The following ATG13 variants were observed in gnomAD, a reference collection of about 807,000 sequenced individuals.
The protein encoded by ATG13 is autophagy related 13.
In ATG13, 23 loss-of-function variants were observed where a neutral mutation model predicts 65.5. The observed-to-expected ratio is 0.35, with a 90% CI of 0.25 to 0.50. ATG13 has a LOEUF of 0.50. ATG13 is among the 20% of genes least tolerant of loss of function. The probability of loss-of-function intolerance (pLI) is 0.98; values close to 1 mark genes in which losing one functional copy is unlikely to be tolerated. For missense variants in ATG13, 566 were observed against 677.0 expected, an observed-to-expected ratio of 0.84 and a Z score of 1.82; for synonymous variants, 252 against 245.2, an observed-to-expected ratio of 1.03 and a Z score of -0.26.
At chr11:46,633,935 T>C (rs1330930398) in intron 2 of ATG13, among the ~76,000 whole-genome samples, 1 of 152,158 alleles carries the variant, frequency 6.6e-6, no homozygotes, top group Non-Finnish European at 1.5e-5. Context: ...TGAAAGCAAT[T>C]TTTTAGTTTC....
intron 14 of ATG13, 103 bp from the exon 15 acceptor site, chr11:46,667,670 C>A: frequency 1.2e-6 from 1 of 825,380 alleles, no homozygotes; most frequent in Non-Finnish European, 1.9e-6. Context: ...TGGGGACCAA[C>A]TCCTGCCCTA....
intron 7 of ATG13, 145 bp from the exon 8 acceptor site, chr11:46,656,088 A>G (rs1430378650): frequency 3.0e-6 from 2 of 665,872 alleles, no homozygotes; most frequent in Non-Finnish European, 5.2e-6. Flanking sequence ...TTGAAGTAGT[A>G]GGAATTACTA....
At chr11:46,657,258 T>A in intron 9 of ATG13, 67 bp downstream of exon 9, 1 of 1,402,806 alleles carries the variant, frequency 7.1e-7, no homozygotes, top group Non-Finnish European at 1.0e-6. Flanking sequence ...TCTCCTAAAC[T>A]TTAAGACTAA....
At chr11:46,671,609 C>T (rs867028290) in intron 18 of ATG13, among the ~76,000 whole-genome samples, 5 of 152,050 alleles carry the variant, frequency 3.3e-5, no homozygotes, top group African/African-American at 7.2e-5. Flanking sequence ...TGGTGACGGG[C>T]GCCTCAGGAG....
chr11:46,660,952 T>TG (rs2061059354), intron 11 of ATG13, among the ~76,000 whole-genome samples: 1 of 152,014 alleles, frequency 6.6e-6, no homozygotes, highest in South Asian at 2.1e-4. Context: ...TCAAGTGATC[T>TG]GTCTGCCTTG....
intron 7 of ATG13, 54 bp downstream of exon 7, chr11:46,650,371 CA>C: frequency 6.4e-7 from 1 of 1,562,354 alleles, no homozygotes; most frequent in Non-Finnish European, 8.7e-7. Context: ...TCACTTTGTA[CA>C]TTGTCTGGCA....
chr11:46,655,777 G>T (rs905779988), intron 7 of ATG13, among the ~76,000 whole-genome samples: 3 of 152,002 alleles, frequency 2.0e-5, no homozygotes, highest in Admixed American at 2.0e-4. Context: ...TCATCCTTTT[G>T]CCCAGGCTGG....
intron 8 of ATG13, 163 bp from the exon 9 acceptor site, chr11:46,656,928 TACAC>T (rs144572744): frequency 3.8e-4 from 216 of 575,268 alleles, no homozygotes; most frequent in South Asian, 1.5e-3. Context: ...TACACGCACA[TACAC>T]ACACACACAC....
At chr11:46,630,681 C>T (rs558860409) in intron 2 of ATG13, among the ~76,000 whole-genome samples, 86 of 149,230 alleles carry the variant, frequency 5.8e-4, no homozygotes, top group African/African-American at 2.0e-3. Flanking sequence ...AAGCAATCTG[C>T]CTACCTCAGC....
At chr11:46,671,308 C>T (rs939634721) in intron 18 of ATG13, among the ~76,000 whole-genome samples, 35 of 152,230 alleles carry the variant, frequency 2.3e-4, no homozygotes, top group Non-Finnish European at 8.8e-5. Flanking sequence ...TTCATTTAGT[C>T]ATCAGTAGAG....
intron 5 of ATG13, among the ~76,000 whole-genome samples, chr11:46,646,560 T>A (rs1325909100): frequency 6.6e-6 from 1 of 151,836 alleles, no homozygotes; most frequent in Non-Finnish European, 1.5e-5. Flanking sequence ...GCTTCCTGGA[T>A]TCAAGCGATT....
At chr11:46,627,310 C>T (rs1207253883) in intron 1 of ATG13, among the ~76,000 whole-genome samples, 1 of 151,640 alleles carries the variant, frequency 6.6e-6, no homozygotes, top group African/African-American at 2.4e-5. Flanking sequence ...ACTTGGGAGG[C>T]GGAGGTTGCA....
At position 46,668,794 on chromosome 11, in the gene ATG13, G is replaced by C. The variant is rs987531893; in HGVS notation, c.1330G>C (p.Val444Leu). Residue 444 changes from valine to leucine, a missense_variant and splice_region_variant, in exon 17 of 19, where the codon GTG becomes CTG. By Grantham distance (32) the Val-to-Leu change is conservative. This residue lies in a region of ATG13 where 387 missense variants were observed against 409.8 expected (regional missense o/e 0.94). Transcript: ENST00000683050. ...NLELEDTDPMVNPPDSPETES... is the reference protein window; with the variant it reads ...NLELEDTDPMLNPPDSPETES... The stretch of plus-strand genomic sequence containing the variant: ...CTAATCCTGCCTTGCTATGAAACAG[G>C]TGAATCCTCCAGATTCCCCAGAGAC... 1 of 1,611,282 alleles carries C rather than the reference G, an allele frequency of 6.2e-7. No homozygotes were observed. Among genetic ancestry groups the C allele is most frequent in the Non-Finnish European group, 8.5e-7 (1 of 1,178,350 alleles).
chr11:46,645,743 G>T lies in ATG13; in HGVS notation c.151-127G>T. 3.8e-6 allele frequency: 5 copies of T among 1,323,658 alleles called. No individual in the cohort carries two copies. The South Asian group carries it at 4.2e-5, about 11-fold the overall frequency. 82.0% of individuals were successfully genotyped at this position (1,323,658 alleles called of 1,614,324 possible). On this transcript the variant is annotated intron_variant, in intron 4 of 18. Coordinates refer to ENST00000683050, the MANE Select transcript of ATG13 (RefSeq NM_001346311.2). ...ATGCAGGATTATCCCTTATGGGGAA[G>T]GGAGAAGTGAATGAATTGTCTTCCT...
chr11:46,670,046 G>T (rs11038965), intron 18 of ATG13, among the ~76,000 whole-genome samples: 6,268 of 152,152 alleles, frequency 0.041, 435 homozygotes, highest in African/African-American at 0.14. Context: ...GCAGAAGAGT[G>T]CCCCGCACAA....
At chr11:46,660,981 A>G (rs1286089839) in intron 11 of ATG13, among the ~76,000 whole-genome samples, 2 of 151,248 alleles carry the variant, frequency 1.3e-5, no homozygotes, top group Non-Finnish European at 2.9e-5. Context: ...AAGTGTTGGG[A>G]TTACAGGCTT....
In ATG13 at chr11:46,644,276, T is replaced by A. The variant is rs1230276251; in HGVS notation, c.-13-3T>A. ...TCATATTTTTTTCACTTTTTTTTTT[T>A]AGATTCCTATAGGCAATGGAAACTG... On this transcript the variant is annotated splice_polypyrimidine_tract_variant and splice_region_variant and intron_variant, in intron 2 of 18. Transcript: ENST00000683050. The A allele has an allele frequency of 3.8e-6, 6 of 1,572,888 alleles. No individual in the cohort carries two copies. The South Asian group carries it at 5.9e-5, about 16-fold the overall frequency.
At chr11:46,640,035 G>A (rs778285248) in intron 2 of ATG13, among the ~76,000 whole-genome samples, 10 of 151,792 alleles carry the variant, frequency 6.6e-5, no homozygotes, top group Non-Finnish European at 1.5e-4. Context: ...CCTAGAGATG[G>A]GGTTTCACCA....
chr11:46,668,535 T>A lies in ATG13; in HGVS notation c.1288T>A (p.Phe430Ile), dbSNP rs141181676. 8 of 1,614,108 alleles carry A rather than the reference T, an allele frequency of 5.0e-6. No homozygotes were observed. The highest frequency in any genetic ancestry group is 5.9e-6 in the Non-Finnish European group (7 of 1,180,036). Reference sequence around the variant, plus strand: ...GAGTTTGGATATACCCTTTGCCATGTTTGCTCCCAAGAATTTGGAGCTGGA... The same window carrying A: ...GAGTTTGGATATACCCTTTGCCATGATTGCTCCCAAGAATTTGGAGCTGGA... ...LTSLDIPFAMFAPKNLELEDT... is the reference protein window; with the variant it reads ...LTSLDIPFAMIAPKNLELEDT... Residue 430 changes from phenylalanine (F) to isoleucine (I), a missense_variant, in exon 16 of 19, where the codon TTT becomes ATT. Physicochemically the swap from Phe to Ile is conservative, Grantham distance 21. This residue lies in a region of ATG13 where 387 missense variants were observed against 409.8 expected (regional missense o/e 0.94). Transcript: ENST00000683050.
Sources: gnomAD v4.1 joint callset for allele counts (sites outside exome capture counted in the v4.1 genomes callset) on GRCh38, gnomAD v4.1.1 for gene constraint, gnomAD v4.1.1 regional missense constraint, MANE v1.5 for transcripts, NCBI Gene and HGNC (gene_info 2026-07-23, HGNC 2026-07-21) for gene names.